The following SNRPN variants were observed in gnomAD, a reference collection of about 807,000 sequenced individuals.
SNRPN encodes small nuclear ribonucleoprotein-associated protein N.
In SNRPN, 7 loss-of-function variants were observed where a neutral mutation model predicts 25.2. The observed-to-expected ratio is 0.28, with a 90% CI of 0.16 to 0.52. The LOEUF is 0.52. Among genes scored for constraint, SNRPN ranks in the 20% least tolerant of loss-of-function variants. The pLI is 0.96. For missense variants in SNRPN, 196 were observed against 322.5 expected (o/e 0.61, Z 3.00); for synonymous variants, 124 against 110.6 (o/e 1.12, Z -0.76).
At chr15:24,920,180 G>A (rs1362722406) in intron 3 of SNRPN, 4 of 152,072 alleles carry the variant, frequency 2.6e-5, no homozygotes, top group Non-Finnish European at 5.9e-5. Context: ...CCACTTGCAT[G>A]CACATCCTGT....
chr15:24,955,267 T>C (rs934098068), intron 1 of SNRPN, among the ~76,000 whole-genome samples: 1 of 151,758 alleles, frequency 6.6e-6, no homozygotes, highest in South Asian at 2.1e-4. Flanking sequence ...TCCGCTCGCA[T>C]TGGGGCGCGT....
chr15:24,859,097 G>A (rs1453588329), intron 1 of SNRPN, among the ~76,000 whole-genome samples: 1 of 152,180 alleles, frequency 6.6e-6, no homozygotes, highest in East Asian at 1.9e-4. Flanking sequence ...CAGACTGTGC[G>A]ACCTGACCTC....
At chr15:24,837,423 A>T (rs1227201886) in intron 2 of SNRPN, among the ~76,000 whole-genome samples, 1 of 150,392 alleles carries the variant, frequency 6.6e-6, no homozygotes, top group Non-Finnish European at 1.5e-5. Flanking sequence ...GCTGGAGTGC[A>T]GTGGCTGCGA....
At chr15:24,880,379 G>A (rs891219169) in intron 1 of SNRPN, among the ~76,000 whole-genome samples, 1 of 152,110 alleles carries the variant, frequency 6.6e-6, no homozygotes, top group African/African-American at 2.4e-5. Context: ...CCTGGAGCCC[G>A]CAGTCTGCAC....
At chr15:24,934,044 T>C (rs2061062344) in intron 3 of SNRPN, among the ~76,000 whole-genome samples, 2 of 152,126 alleles carry the variant, frequency 1.3e-5, no homozygotes, top group Non-Finnish European at 2.9e-5. Context: ...ACACCTGTAA[T>C]CCCATCACTT....
At chr15:24,975,530 TG>T in intron 5 of SNRPN, 21 bp downstream of exon 5, 1 of 1,608,108 alleles carries the variant, frequency 6.2e-7, no homozygotes, top group African/African-American at 1.3e-5. Flanking sequence ...TTTGGGCAAA[TG>T]GGGGTTGGAC....
At chr15:24,834,916 T>G (rs149614709) in intron 2 of SNRPN, among the ~76,000 whole-genome samples, 22,097 of 73,524 alleles carry the variant, frequency 0.3, 5,449 homozygotes, top group East Asian at 0.52. Flanking sequence ...AGAGCGAGAC[T>G]CCATCTGAAA....
At chr15:24,953,321 C>T (rs2062425697), upstream of SNRPN, among the ~76,000 whole-genome samples, 1 of 152,150 alleles carries the variant, frequency 6.6e-6, no homozygotes, top group Middle Eastern at 3.4e-3. Context: ...ATACAGTATG[C>T]TTTTATTTTA....
intron 9 of SNRPN, 21 bp from the exon 10 acceptor site, chr15:24,978,386 A>G (rs1374032927): frequency 3.1e-6 from 5 of 1,613,714 alleles, no homozygotes; most frequent in Middle Eastern, 3.3e-4. Flanking sequence ...CTTTTTCTCA[A>G]TGTTTCTATT....
intron 3 of SNRPN, among the ~76,000 whole-genome samples, chr15:24,935,407 C>T (rs1461076928): frequency 1.3e-5 from 2 of 152,044 alleles, no homozygotes; most frequent in South Asian, 2.1e-4. Flanking sequence ...CTGAAGGGTT[C>T]AAGCTGAGAA....
chr15:24,846,326 A>T (rs553874151), intron 2 of SNRPN, among the ~76,000 whole-genome samples: 9 of 152,174 alleles, frequency 5.9e-5, no homozygotes, highest in Admixed American at 5.9e-4. Flanking sequence ...AAGTCAACCG[A>T]TTTTCACTCA....
chr15:24,830,834 A>T (rs934027920), intron 2 of SNRPN, among the ~76,000 whole-genome samples: 1 of 152,052 alleles, frequency 6.6e-6, no homozygotes, highest in Non-Finnish European at 1.5e-5. Flanking sequence ...GGTGTGTTTT[A>T]TGGAGGAGAA....
intron 3 of SNRPN, among the ~76,000 whole-genome samples, chr15:24,942,705 T>C (rs140528864): frequency 1.3e-5 from 2 of 152,276 alleles, no homozygotes; most frequent in East Asian, 3.9e-4. Context: ...GGGGATTCAG[T>C]GTAATCAACC....
At chr15:24,952,041 A>G (rs1267009495), upstream of SNRPN, among the ~76,000 whole-genome samples, 1 of 152,146 alleles carries the variant, frequency 6.6e-6, no homozygotes, top group East Asian at 1.9e-4. Context: ...GGATTTATAT[A>G]TATACACACA....
At chr15:24,887,728 G>C (rs769932117) in intron 2 of SNRPN, among the ~76,000 whole-genome samples, 10 of 152,156 alleles carry the variant, frequency 6.6e-5, no homozygotes, top group Non-Finnish European at 1.3e-4. Context: ...GGATAGACAA[G>C]GGAGGCCTCT....
chr15:24,976,527 A>C, intron 6 of SNRPN, 111 bp downstream of exon 6: 1 of 804,554 alleles, frequency 1.2e-6, no homozygotes, highest in South Asian at 1.6e-5. Flanking sequence ...TTGTCAAATA[A>C]AATGTGCCAG....
chr15:24,835,280 C>T (rs1172676452), intron 2 of SNRPN, among the ~76,000 whole-genome samples: 2 of 151,124 alleles, frequency 1.3e-5, no homozygotes, highest in Non-Finnish European at 2.9e-5. Context: ...TATGTGACTA[C>T]ATTACTTTAG....
At chr15:24,950,741 T>C (rs2153216301), upstream of SNRPN, among the ~76,000 whole-genome samples, 1 of 151,296 alleles carries the variant, frequency 6.6e-6, no homozygotes, top group Admixed American at 6.6e-5. Flanking sequence ...TAGAGACGAG[T>C]CTTGCTATGT....
intron 2 of SNRPN, among the ~76,000 whole-genome samples, chr15:24,887,123 T>A (rs1204309364): frequency 6.6e-6 from 1 of 150,818 alleles, no homozygotes; most frequent in Non-Finnish European, 1.5e-5. Flanking sequence ...TAGAAATATA[T>A]CCCCACGAGC....
Sources: allele counts gnomAD v4.1 joint callset (sites outside exome capture counted in the v4.1 genomes callset), GRCh38; gene constraint gnomAD v4.1.1; transcripts MANE v1.5; gene names NCBI Gene and HGNC (gene_info 2026-07-23, HGNC 2026-07-21).